NPHP4: variants seen among roughly 807,000 people sequenced by gnomAD.
NPHP4 encodes the protein nephrocystin 4.
NPHP4 carries 151 observed loss-of-function variants against 155.8 expected under a neutral mutation model. That is an observed-to-expected ratio of 0.97 (90% CI 0.85 to 1.11). NPHP4 has a LOEUF of 1.11. NPHP4 is among the 50% of genes least tolerant of loss of function. The pLI is 0.00. For synonymous variants in NPHP4, 845 were observed against 816.8 expected (o/e 1.03, Z -0.59); for missense variants, 1,956 against 1,925.7 (o/e 1.02, Z -0.29).
chr1:5,908,907 C>T (rs1332125419), intron 12 of NPHP4, among the ~76,000 whole-genome samples: 3 of 152,142 alleles, frequency 2.0e-5, no homozygotes, highest in Admixed American at 2.0e-4. Flanking sequence ...GATGTGGAGA[C>T]GCCCCATACA....
At chr1:5,876,280 G>A (rs992841336) in intron 20 of NPHP4, 1 of 152,288 alleles carries the variant, frequency 6.6e-6, no homozygotes, top group Non-Finnish European at 1.5e-5. Flanking sequence ...GGCCTGGGAG[G>A]AGGCCCCAGT....
Position 5,963,584 on chromosome 1 carries a change from C to A in NPHP4, c.518-1635G>T, listed in dbSNP as rs186828804. On this transcript the variant is annotated intron_variant, in intron 5 of 29. Coordinates refer to ENST00000378156, the MANE Select transcript of NPHP4 (RefSeq NM_015102.5). ...TAGGAAAAGACTCCAAATGCTCAGA[C>A]CTCAGACCCAGCCACCAGCTTCAGG... Among the ~76,000 whole-genome samples the A allele has an allele frequency of 1.3e-3, 192 of 152,270 alleles. 1 individual carries two copies. The highest frequency in any genetic ancestry group is 4.5e-3 in the African/African-American group (186 of 41,562).
chr1:5,908,744 G>A (rs1036126056), intron 12 of NPHP4, among the ~76,000 whole-genome samples: 2 of 152,244 alleles, frequency 1.3e-5, no homozygotes, highest in Non-Finnish European at 2.9e-5. Context: ...TTGGCCGACA[G>A]GGCCAGGGGA....
At chr1:5,967,253 A>T in intron 5 of NPHP4, 46 bp downstream of exon 5, 1 of 1,443,842 alleles carries the variant, frequency 6.9e-7, no homozygotes, top group South Asian at 1.2e-5. Context: ...CACTCAGGGA[A>T]GGCACGAGAG....
chr1:5,870,850 A>C (rs1219142826), intron 23 of NPHP4, among the ~76,000 whole-genome samples: 1 of 152,342 alleles, frequency 6.6e-6, no homozygotes, highest in East Asian at 1.9e-4. Flanking sequence ...CCGCCTGTGC[A>C]CTTCACAACA....
At chr1:5,936,347 A>G (rs911845596) in intron 9 of NPHP4, among the ~76,000 whole-genome samples, 1 of 152,228 alleles carries the variant, frequency 6.6e-6, no homozygotes, top group African/African-American at 2.4e-5. Context: ...AGGGACCGGC[A>G]GACAGGAACT....
chr1:5,915,240 T>A (rs766775294), intron 11 of NPHP4, among the ~76,000 whole-genome samples: 7 of 152,160 alleles, frequency 4.6e-5, no homozygotes, highest in Middle Eastern at 3.4e-3. Context: ...GGGGGTAGAC[T>A]GTGGCCCTGT....
chr1:5,946,607 A>G lies in NPHP4; in HGVS notation c.1119+497T>C, dbSNP rs544569124. Among the ~76,000 whole-genome samples the G allele has an allele frequency of 2.6e-5, 4 of 152,324 alleles. No individual in the cohort carries two copies. The South Asian group carries it at 8.3e-4, about 32-fold the overall frequency. ...CAGTTTCCTGGTATACAACTCCTGA[A>G]ACCCCCGGAATCTCCGAAGTGCTAT... On this transcript the variant is annotated intron_variant, in intron 9 of 29. Transcript: ENST00000378156.
rs1557880391 is a variant in NPHP4, at chr1:5,978,359, CAAAG to C, written c.186_189del (p.Phe62LeufsTer17). 6.2e-7 allele frequency: 1 copy of C among 1,608,890 alleles called. No homozygotes were observed. Among genetic ancestry groups the C allele is most frequent in the South Asian group, 1.1e-5 (1 of 90,198 alleles). On this transcript the variant is annotated frameshift_variant, in exon 3 of 30. Coordinates refer to ENST00000378156, the MANE Select transcript of NPHP4 (RefSeq NM_015102.5). LOFTEE classifies it high-confidence loss of function. ...CCAAAGAAGTGCCGGTAGGTGACAT[CAAAG>C]AAAGACACTCGCAGATGGCATTCAA...
intron 7 of NPHP4, among the ~76,000 whole-genome samples, chr1:5,952,427 G>A (rs543797951): frequency 2.0e-4 from 30 of 152,340 alleles, no homozygotes; most frequent in African/African-American, 7.0e-4. Flanking sequence ...TGGAGGCTCT[G>A]TGGGGGCCTT....
In NPHP4 at chr1:5,965,788, T is replaced by A. The variant is rs547125095; in HGVS notation, c.517+1511A>T. Among the ~76,000 whole-genome samples the A allele has an allele frequency of 1.2e-4, 19 of 152,226 alleles. 1 individual carries two copies. The highest frequency in any genetic ancestry group is 1.5e-5 in the Non-Finnish European group (1 of 68,010). ...CCCAGCGATCACCCACCGCTCTCCC[T>A]CTTCTGGATAGTCTACGGAGGGCAT... On this transcript the variant is annotated intron_variant, in intron 5 of 29. Transcript: ENST00000378156.
chr1:5,932,816 TG>T (rs201217377), intron 10 of NPHP4, among the ~76,000 whole-genome samples: 2,312 of 152,182 alleles, frequency 0.015, 58 homozygotes, highest in African/African-American at 0.053. Flanking sequence ...AAAAACCTAC[TG>T]GTAAAGGCCA....
Position 5,865,200 on chromosome 1 carries a change from A to G in NPHP4, c.3718T>C (p.Cys1240Arg), listed in dbSNP as rs1028037857. The G allele has an allele frequency of 6.2e-7, 1 of 1,611,232 alleles. No homozygotes were observed. Among genetic ancestry groups the G allele is most frequent in the Non-Finnish European group, 8.5e-7 (1 of 1,178,494 alleles). ...LHSLQRVDVS[C>R]VAGQLTRLSL... is the part of the protein sequence containing the mutation. ...AGGCGGGTCAGCTGGCCTGCGACGC[A>G]GGAGACATCCACGCGCTGCAGGGAG... Residue 1240 changes from cysteine (C) to arginine (R), a missense_variant, in exon 27 of 30, where the codon TGC becomes CGC. Cys to Arg is a radical substitution (Grantham distance 180, BLOSUM62 -3). Coordinates refer to ENST00000378156, the MANE Select transcript of NPHP4 (RefSeq NM_015102.5).
intron 9 of NPHP4, among the ~76,000 whole-genome samples, chr1:5,942,996 T>C (rs1459811231): frequency 1.3e-5 from 2 of 152,208 alleles, no homozygotes; most frequent in African/African-American, 4.8e-5. Context: ...GTTTGCTCCA[T>C]CACTCATTCA....
intron 20 of NPHP4, among the ~76,000 whole-genome samples, chr1:5,875,772 G>A (rs143582188): frequency 5.7e-4 from 87 of 152,364 alleles, no homozygotes; most frequent in African/African-American, 1.8e-3. Context: ...CCCCCATGCC[G>A]GGGAGTCAGC....
In NPHP4 at chr1:5,867,968, A is replaced by AGCACACGTATCTC. The variant is rs755278765; in HGVS notation, c.3316-85_3316-73dup. 1.3e-6 allele frequency: 2 copies of AGCACACGTATCTC among 1,506,274 alleles called. No homozygotes were observed. The highest frequency in any genetic ancestry group is 1.8e-6 in the Non-Finnish European group (2 of 1,083,150). The allele number at this position is 1,506,274 out of a possible 1,614,324, so 93.3% of individuals were successfully genotyped here. On this transcript the variant is annotated intron_variant, in intron 23 of 29. Transcript: ENST00000378156. This position sits in a 1 kb window ranked among gnomAD's most constrained non-coding sequence, Gnocchi z 4.1. The stretch of plus-strand genomic sequence containing the variant: ...AGCAGCTTCTTGTCCCTCCTTAGAC[A>AGCACACGTATCTC]GCACACGTATCTCCACTGTTGCCAA...
intron 18 of NPHP4, 54 bp downstream of exon 18, chr1:5,887,232 A>AC (rs1643871387): frequency 6.6e-7 from 1 of 1,523,042 alleles, no homozygotes. Flanking sequence ...CCCACACTCT[A>AC]CCAGAGGGGT....
rs112450492 is a variant in NPHP4 at position 5,867,120 on chromosome 1, A to T, written c.3473-5T>A. The T allele has an allele frequency of 1.3e-5, 21 of 1,608,076 alleles. No individual in the cohort carries two copies. Among genetic ancestry groups the T allele is most frequent in the African/African-American group, 1.2e-4 (9 of 74,928 alleles). ...CAAGCATTCCCACCGGAGCACCTGGAGCAGGGGAAATGTCAAAAAGAGTCT... is the reference window on the plus strand; with the variant it reads ...CAAGCATTCCCACCGGAGCACCTGGTGCAGGGGAAATGTCAAAAAGAGTCT... On this transcript the variant is annotated splice_polypyrimidine_tract_variant and splice_region_variant and intron_variant, in intron 24 of 29. Coordinates refer to ENST00000378156, the MANE Select transcript of NPHP4 (RefSeq NM_015102.5). This position sits in a 1 kb window ranked among gnomAD's most constrained non-coding sequence, Gnocchi z 4.1.
At chr1:5,896,748 C>A (rs930821383) in intron 16 of NPHP4, among the ~76,000 whole-genome samples, 2 of 152,200 alleles carry the variant, frequency 1.3e-5, no homozygotes, top group Non-Finnish European at 2.9e-5. Flanking sequence ...GAAATGTCAT[C>A]CCCATTCAGG....
Sources: allele counts gnomAD v4.1 joint callset (sites outside exome capture counted in the v4.1 genomes callset), GRCh38; gene constraint gnomAD v4.1.1; non-coding constraint Gnocchi (gnomAD v3.1); transcripts MANE v1.5; gene names NCBI Gene and HGNC (gene_info 2026-07-23, HGNC 2026-07-21).